The following SEPTIN7 variants were observed in gnomAD, a reference collection of about 807,000 sequenced individuals.
SEPTIN7 encodes septin 7.
In SEPTIN7, 10 loss-of-function variants were observed where a neutral mutation model predicts 63.3. The observed-to-expected ratio is 0.16, with a 90% CI of 0.10 to 0.27. SEPTIN7 has a LOEUF of 0.27. SEPTIN7 is among the 10% of genes least tolerant of loss of function. The probability of loss-of-function intolerance (pLI) is 1.00; values close to 1 mark genes in which losing one functional copy is unlikely to be tolerated. For missense variants in SEPTIN7, 310 were observed against 521.0 expected, an observed-to-expected ratio of 0.59 and a Z score of 3.94; for synonymous variants, 131 against 165.3, an observed-to-expected ratio of 0.79 and a Z score of 1.59.
chr7:35,835,031 A>G (rs1025521686), intron 3 of SEPTIN7, among the ~76,000 whole-genome samples: 1 of 152,140 alleles, frequency 6.6e-6, no homozygotes, highest in Non-Finnish European at 1.5e-5. Flanking sequence ...CTTCATAAGC[A>G]ATGTTTATTG....
rs77618292 is a variant in SEPTIN7 at position 35,825,626 on chromosome 7, C to T, written c.62-5866C>T. On this transcript the variant is annotated intron_variant, in intron 1 of 13. Transcript: ENST00000350320. The stretch of plus-strand genomic sequence containing the variant: ...AATTGTCCTCTAGCTTATCTCACCT[C>T]CCTATTAGATTCTTAGCTTCTTGAG... Among the ~76,000 whole-genome samples the T allele has an allele frequency of 7.6e-3, 1,163 of 152,226 alleles. 10 individuals are homozygous for T. The highest frequency in any genetic ancestry group is 0.026 in the African/African-American group (1,094 of 41,528).
At chr7:35,842,705 T>C (rs900609176) in intron 3 of SEPTIN7, among the ~76,000 whole-genome samples, 15 of 152,236 alleles carry the variant, frequency 9.9e-5, no homozygotes, top group Admixed American at 9.2e-4. Context: ...ATTACTGTGC[T>C]GAAAATAATG....
chr7:35,890,271 ATTACC>A (rs1787552688), intron 10 of SEPTIN7, among the ~76,000 whole-genome samples: 1 of 152,160 alleles, frequency 6.6e-6, no homozygotes, highest in African/African-American at 2.4e-5. Flanking sequence ...AAACTCATAT[ATTACC>A]TTAGTAATAT....
chr7:35,908,843 A>C (rs1788685632), downstream of SEPTIN7, among the ~76,000 whole-genome samples: 1 of 152,194 alleles, frequency 6.6e-6, no homozygotes, highest in Non-Finnish European at 1.5e-5. Flanking sequence ...GGGGATACCA[A>C]ACTAACTTGT....
intron 12 of SEPTIN7, chr7:35,899,605 A>T (rs1354500017): frequency 6.6e-6 from 1 of 152,216 alleles, no homozygotes; most frequent in African/African-American, 2.4e-5. Flanking sequence ...GATGAGGTCC[A>T]GGTGTGGTGG....
intron 3 of SEPTIN7, among the ~76,000 whole-genome samples, chr7:35,859,180 G>A (rs56287072): frequency 0.52 from 78,202 of 151,736 alleles, 21,905 homozygotes; most frequent in Admixed American, 0.63. Flanking sequence ...TCTGTATTCC[G>A]TAAGTTTCGG....
At chr7:35,849,647 T>G (rs1784863693) in intron 3 of SEPTIN7, among the ~76,000 whole-genome samples, 1 of 152,212 alleles carries the variant, frequency 6.6e-6, no homozygotes, top group South Asian at 2.1e-4. Context: ...GCAAAACATC[T>G]TGGTGTGGTA....
intron 7 of SEPTIN7, among the ~76,000 whole-genome samples, chr7:35,881,528 C>T (rs759755022): frequency 7.3e-5 from 11 of 150,646 alleles, no homozygotes; most frequent in Non-Finnish European, 1.2e-4. Flanking sequence ...TAGGTACGTA[C>T]CCTAATTGTA....
intron 11 of SEPTIN7, among the ~76,000 whole-genome samples, chr7:35,891,873 TATCTTTATA>T (rs1318639053): frequency 6.6e-6 from 1 of 152,230 alleles, no homozygotes; most frequent in Non-Finnish European, 1.5e-5. Context: ...AGAAAGATAT[TATCTTTATA>T]ATCTTTATAA....
intron 4 of SEPTIN7, among the ~76,000 whole-genome samples, chr7:35,865,492 T>G (rs544329261): frequency 3.9e-5 from 6 of 152,312 alleles, no homozygotes; most frequent in East Asian, 1.9e-4. Flanking sequence ...CGTATGCTAC[T>G]CCATTGTGTG....
chr7:35,844,455 C>G (rs1784556897), intron 3 of SEPTIN7, among the ~76,000 whole-genome samples: 1 of 152,218 alleles, frequency 6.6e-6, no homozygotes, highest in African/African-American at 2.4e-5. Flanking sequence ...AACTTTATAT[C>G]TACTTTGTAA....
intron 4 of SEPTIN7, among the ~76,000 whole-genome samples, chr7:35,869,305 T>C (rs1006252488): frequency 7.2e-5 from 11 of 152,222 alleles, no homozygotes; most frequent in Non-Finnish European, 1.3e-4. Context: ...AGGTATTCTT[T>C]AAGCATAACT....
intron 3 of SEPTIN7, among the ~76,000 whole-genome samples, chr7:35,840,470 G>A (rs571756112): frequency 2.0e-5 from 3 of 151,518 alleles, no homozygotes; most frequent in African/African-American, 4.9e-5. Context: ...TAGAGATGGG[G>A]TCTCACTGTG....
At chr7:35,877,237 C>G (rs1339496830) in intron 6 of SEPTIN7, among the ~76,000 whole-genome samples, 1 of 152,212 alleles carries the variant, frequency 6.6e-6, no homozygotes, top group Non-Finnish European at 1.5e-5. Flanking sequence ...TCCCTATTCT[C>G]TGAATGCCAG....
At chr7:35,849,797 T>A (rs1181497758) in intron 3 of SEPTIN7, among the ~76,000 whole-genome samples, 1 of 152,178 alleles carries the variant, frequency 6.6e-6, no homozygotes, top group African/African-American at 2.4e-5. Flanking sequence ...TAAAAGGCCT[T>A]CTGGTTGTCT....
intron 3 of SEPTIN7, among the ~76,000 whole-genome samples, chr7:35,859,171 C>G (rs1357786087): frequency 6.6e-6 from 1 of 151,910 alleles, no homozygotes; most frequent in African/African-American, 2.4e-5. Flanking sequence ...ACTGCTTTTT[C>G]TGTATTCCGT....
chr7:35,887,063 A>G (rs1787297784), intron 10 of SEPTIN7, among the ~76,000 whole-genome samples: 1 of 152,300 alleles, frequency 6.6e-6, no homozygotes, highest in Non-Finnish European at 1.5e-5. Context: ...TGAGAATACA[A>G]CACTTCAGGC....
intron 9 of SEPTIN7, among the ~76,000 whole-genome samples, chr7:35,885,200 C>T (rs2116301195): frequency 6.6e-6 from 1 of 152,144 alleles, no homozygotes; most frequent in African/African-American, 2.4e-5. Flanking sequence ...AGGTAACTGT[C>T]CTTATTGGCA....
At chr7:35,871,842 C>T (rs1786170050) in intron 4 of SEPTIN7, among the ~76,000 whole-genome samples, 1 of 152,086 alleles carries the variant, frequency 6.6e-6, no homozygotes, top group South Asian at 2.1e-4. Context: ...TCCGTGTTTG[C>T]TTTATCTTGG....
Sources: gnomAD v4.1 joint callset for allele counts (sites outside exome capture counted in the v4.1 genomes callset) on GRCh38, gnomAD v4.1.1 for gene constraint, MANE v1.5 for transcripts, NCBI Gene and HGNC (gene_info 2026-07-23, HGNC 2026-07-21) for gene names.